Variants in LUZP2 observed in about 807,000 individuals in gnomAD.
LUZP2 encodes leucine zipper protein 2.
A neutral mutation model predicts 51.6 loss-of-function variants in LUZP2; 52 were observed. That is an observed-to-expected ratio of 1.01 (90% CI 0.81 to 1.27). LUZP2 has a LOEUF of 1.27. LUZP2 is among the 50% of genes most tolerant of loss of function. LUZP2 has a pLI of 0.00. For missense variants in LUZP2, 436 were observed against 395.4 expected (o/e 1.10, Z -0.87); for synonymous variants, 154 against 137.3 (o/e 1.12, Z -0.85).
intron 1 of LUZP2, among the ~76,000 whole-genome samples, chr11:24,605,930 T>TG (rs1173320950): frequency 4.0e-5 from 6 of 151,842 alleles, no homozygotes; most frequent in Non-Finnish European, 7.4e-5. Flanking sequence ...TGTTTTAGAT[T>TG]ACATATTAAT....
chr11:24,719,199 A>G (rs1858169398), intron 1 of LUZP2, among the ~76,000 whole-genome samples: 1 of 152,200 alleles, frequency 6.6e-6, no homozygotes, highest in Admixed American at 6.5e-5. Flanking sequence ...AAAAAAGAAA[A>G]TGCATATAAT....
intron 5 of LUZP2, among the ~76,000 whole-genome samples, chr11:24,900,090 C>T (rs1183070202): frequency 2.6e-5 from 4 of 152,036 alleles, no homozygotes; most frequent in Non-Finnish European, 5.9e-5. Flanking sequence ...TTTCCTGATT[C>T]TTGTGTTTAA....
At chr11:24,790,863 G>A (rs1206687361) in intron 5 of LUZP2, among the ~76,000 whole-genome samples, 2 of 152,088 alleles carry the variant, frequency 1.3e-5, no homozygotes, top group Non-Finnish European at 2.9e-5. Context: ...TATTGTTCAA[G>A]TGTTCCAGAC....
At chr11:24,670,236 A>C (rs1341094088) in intron 1 of LUZP2, among the ~76,000 whole-genome samples, 2 of 152,022 alleles carry the variant, frequency 1.3e-5, no homozygotes, top group Non-Finnish European at 1.5e-5. Flanking sequence ...CAGCTCTGTG[A>C]CCACAGATAA....
At chr11:24,720,052 A>G (rs562687022) in intron 1 of LUZP2, among the ~76,000 whole-genome samples, 1 of 152,352 alleles carries the variant, frequency 6.6e-6, no homozygotes, top group South Asian at 2.1e-4. Flanking sequence ...TAGACAAATT[A>G]TTAAATATTA....
intron 5 of LUZP2, among the ~76,000 whole-genome samples, chr11:24,879,903 G>C (rs11028247): frequency 0.49 from 74,931 of 151,860 alleles, 19,014 homozygotes; most frequent in East Asian, 0.75. Flanking sequence ...AGCTCCTGAA[G>C]TGTGCAGTCT....
chr11:25,010,671 A>G (rs934219878), intron 9 of LUZP2, among the ~76,000 whole-genome samples: 9 of 132,964 alleles, frequency 6.8e-5, no homozygotes, highest in African/African-American at 1.7e-4. Context: ...CAACATGGTG[A>G]AACCCCATCT....
intron 9 of LUZP2, among the ~76,000 whole-genome samples, chr11:24,986,521 A>G (rs993279804): frequency 1.1e-4 from 15 of 138,782 alleles, no homozygotes; most frequent in Non-Finnish European, 1.7e-4. Flanking sequence ...CCACAGAGCT[A>G]GTGAATAGCA....
intron 1 of LUZP2, among the ~76,000 whole-genome samples, chr11:24,556,879 A>C (rs1005308993): frequency 6.6e-6 from 1 of 152,100 alleles, no homozygotes. Context: ...CTTTGGCCAT[A>C]TGGTACTAAT....
intron 5 of LUZP2, among the ~76,000 whole-genome samples, chr11:24,894,994 A>T (rs1852990658): frequency 1.3e-5 from 2 of 152,198 alleles, no homozygotes; most frequent in South Asian, 4.1e-4. Context: ...TTAGGAAAAA[A>T]TAACCAATCT....
intron 5 of LUZP2, chr11:24,832,074 C>G (rs1022824095): frequency 6.6e-6 from 1 of 152,246 alleles, no homozygotes; most frequent in Non-Finnish European, 1.5e-5. Flanking sequence ...TATGAAAGTA[C>G]CTATCCCCCA....
chr11:24,543,724 G>A, intron 1 of LUZP2, among the ~76,000 whole-genome samples: 1 of 148,848 alleles, frequency 6.7e-6, no homozygotes, highest in Admixed American at 6.9e-5. Context: ...AGGAAGCTGA[G>A]GCAGGAGAAT....
intron 5 of LUZP2, among the ~76,000 whole-genome samples, chr11:24,900,541 C>T (rs1411357787): frequency 6.6e-6 from 1 of 152,144 alleles, no homozygotes; most frequent in Non-Finnish European, 1.5e-5. Flanking sequence ...AAGTTCAGCC[C>T]AAAGTTGCCT....
intron 1 of LUZP2, among the ~76,000 whole-genome samples, chr11:24,536,848 C>A (rs968427574): frequency 4.0e-5 from 6 of 151,824 alleles, no homozygotes; most frequent in Non-Finnish European, 7.4e-5. Flanking sequence ...ACTAAGCTTG[C>A]TTATTTTTAA....
intron 1 of LUZP2, among the ~76,000 whole-genome samples, chr11:24,640,850 AG>A (rs1208345403): frequency 6.6e-6 from 1 of 151,722 alleles, no homozygotes; most frequent in Non-Finnish European, 1.5e-5. Context: ...AATGAAACAT[AG>A]TTTACAGAAT....
At chr11:25,056,195 A>G (rs1858680087) in intron 10 of LUZP2, among the ~76,000 whole-genome samples, 1 of 152,166 alleles carries the variant, frequency 6.6e-6, no homozygotes, top group South Asian at 2.1e-4. Flanking sequence ...CAGCTATAGG[A>G]AGAATAATAT....
intron 2 of LUZP2, 97 bp from the exon 3 acceptor site, chr11:24,732,021 C>T: frequency 1.3e-6 from 1 of 788,124 alleles, no homozygotes; most frequent in Non-Finnish European, 2.0e-6. Context: ...TGTTCCAGGG[C>T]ATATGTGCAG....
At chr11:25,027,807 T>A (rs2133984859) in intron 9 of LUZP2, among the ~76,000 whole-genome samples, 1 of 151,178 alleles carries the variant, frequency 6.6e-6, no homozygotes. Flanking sequence ...GAGGCAGAGG[T>A]TGCAGTGAGC....
intron 7 of LUZP2, among the ~76,000 whole-genome samples, chr11:24,917,012 T>A (rs1853810615): frequency 1.3e-5 from 2 of 152,174 alleles, no homozygotes; most frequent in African/African-American, 4.8e-5. Context: ...CCTGACTTTT[T>A]AATGATCACC....
Sources: gnomAD v4.1 joint callset for allele counts (sites outside exome capture counted in the v4.1 genomes callset) on GRCh38, gnomAD v4.1.1 for gene constraint, MANE v1.5 for transcripts, NCBI Gene and HGNC (gene_info 2026-07-23, HGNC 2026-07-21) for gene names.